Variants in RNF144A observed in about 807,000 individuals in gnomAD.
RNF144A encodes the protein E3 ubiquitin-protein ligase RNF144A.
Under a neutral mutation model 38.7 loss-of-function variants are expected in RNF144A, and 11 were observed. The ratio of observed to expected loss-of-function variants is 0.28; its 90% CI spans 0.18 to 0.47. The LOEUF (loss-of-function observed/expected upper bound fraction) is 0.47, where lower values mean the gene tolerates loss of function less well. Among genes scored for constraint, RNF144A ranks in the 20% least tolerant of loss-of-function variants. RNF144A has a pLI of 0.99. For synonymous variants in RNF144A, 149 were observed against 143.9 expected (o/e 1.04, Z -0.25); for missense variants, 316 against 377.2 (o/e 0.84, Z 1.34).
At chr2:7,072,518 C>A (rs1674519899), downstream of RNF144A, among the ~76,000 whole-genome samples, 1 of 152,214 alleles carries the variant, frequency 6.6e-6, no homozygotes, top group Non-Finnish European at 1.5e-5. Flanking sequence ...GGATGCACTT[C>A]TATAAAAGGC....
Position 6,962,135 on chromosome 2 carries a change from T to G in RNF144A, c.-12+20988T>G, listed in dbSNP as rs1667385875. 6.6e-6 allele frequency among the ~76,000 whole-genome samples: 1 copy of G among 152,112 alleles called. No homozygotes were observed. Among genetic ancestry groups the G allele is most frequent in the South Asian group, 2.1e-4 (1 of 4,834 alleles). On this transcript the variant is annotated intron_variant, in intron 2 of 8. Coordinates refer to ENST00000320892, the MANE Select transcript of RNF144A (RefSeq NM_014746.6). This position sits in a 1 kb window ranked among gnomAD's most constrained non-coding sequence, Gnocchi z 4.1. ...GCAGGGGGTTTTATAGATAAGCTGG[T>G]GGGGAATGATACCTGGTCTACATAG...
rs78679356 is a variant in RNF144A at position 7,051,434 on chromosome 2, G to C, written c.735-16782G>C. ...GTTAAGGTTGGTGCTGACACAATAA[G>C]ATATGGGATTTGCCTACGCCACGGT... On this transcript the variant is annotated intron_variant, in intron 6 of 6. Transcript: ENST00000432850. 7.6e-3 allele frequency among the ~76,000 whole-genome samples: 1,164 copies of C among 152,298 alleles called. 25 individuals carry two copies. Among genetic ancestry groups the C allele is most frequent in the East Asian group, 0.071 (366 of 5,178 alleles).
chr2:6,959,020 A>G (rs3772012), intron 2 of RNF144A, among the ~76,000 whole-genome samples: 15,471 of 152,114 alleles, frequency 0.1, 889 homozygotes, highest in African/African-American at 0.14. Flanking sequence ...TCACTCTCTT[A>G]CTGCCCTCAG....
At chr2:7,015,732 C>T (rs1255773453) in intron 5 of RNF144A, among the ~76,000 whole-genome samples, 3 of 152,078 alleles carry the variant, frequency 2.0e-5, no homozygotes, top group African/African-American at 7.2e-5. Context: ...TGTGTGCAGG[C>T]GACACTCCAT....
intron 8 of RNF144A, among the ~76,000 whole-genome samples, chr2:7,030,935 T>C (rs1396373029): frequency 1.3e-5 from 2 of 152,078 alleles, no homozygotes; most frequent in Non-Finnish European, 1.5e-5. Context: ...ATAAGGAGGC[T>C]GCAACCCAGA....
In RNF144A at chr2:7,010,656, A is replaced by G. The variant is rs543025390; in HGVS notation, c.136-3798A>G. ...TCAGGTTTCAAAGAGTTGGAAACCA[A>G]AGTGGAAAATGAAATTCCTGGAACA... On this transcript the variant is annotated intron_variant, in intron 3 of 8. Coordinates refer to ENST00000320892, the MANE Select transcript of RNF144A (RefSeq NM_014746.6). Among the ~76,000 whole-genome samples, 4 of 152,330 alleles carry G rather than the reference A, an allele frequency of 2.6e-5. No individual in the cohort carries two copies. The South Asian group carries it at 8.3e-4, about 32-fold the overall frequency.
At chr2:6,963,688 T>C (rs1281362138) in intron 2 of RNF144A, among the ~76,000 whole-genome samples, 2 of 152,178 alleles carry the variant, frequency 1.3e-5, no homozygotes, top group Non-Finnish European at 2.9e-5. Flanking sequence ...CACTTTCTTC[T>C]CTCCTCTGTC....
At chr2:6,926,488 G>A (rs1452392630) in intron 1 of RNF144A, among the ~76,000 whole-genome samples, 3 of 152,214 alleles carry the variant, frequency 2.0e-5, no homozygotes, top group Non-Finnish European at 4.4e-5. Context: ...TGCTCTTCCT[G>A]GCAAAGCAGG....
intron 2 of RNF144A, among the ~76,000 whole-genome samples, chr2:6,983,352 G>A (rs1284147471): frequency 6.6e-6 from 1 of 152,170 alleles, no homozygotes; most frequent in Admixed American, 6.5e-5. Context: ...ATCCCTGGGG[G>A]ACTGTGGATC....
chr2:6,947,979 C>T (rs1028608324), intron 2 of RNF144A, among the ~76,000 whole-genome samples: 6 of 152,218 alleles, frequency 3.9e-5, no homozygotes, highest in Non-Finnish European at 7.3e-5. Context: ...ATGTTAGCTA[C>T]GGGCTAAGAA....
At chr2:6,966,388 T>C (rs1279815818) in intron 2 of RNF144A, among the ~76,000 whole-genome samples, 1 of 152,184 alleles carries the variant, frequency 6.6e-6, no homozygotes, top group Non-Finnish European at 1.5e-5. Context: ...TCTCCAAATG[T>C]TGGATGTTTT....
At chr2:6,927,081 T>C (rs149021375) in intron 1 of RNF144A, among the ~76,000 whole-genome samples, 222 of 152,342 alleles carry the variant, frequency 1.5e-3, no homozygotes, top group African/African-American at 5.1e-3. Flanking sequence ...GCCCTGTTGG[T>C]CCCGTGAGAT....
At chr2:6,929,914 G>C (rs958858129) in intron 1 of RNF144A, among the ~76,000 whole-genome samples, 7 of 152,170 alleles carry the variant, frequency 4.6e-5, no homozygotes, top group African/African-American at 1.7e-4. Context: ...TGATGAAGTG[G>C]GTCCTGCTGC....
the RNF144A span, chr2:7,074,603 GA>G: frequency 6.6e-6 from 1 of 152,154 alleles, no homozygotes; most frequent in Non-Finnish European, 1.5e-5. Flanking sequence ...ATTGTATAAA[GA>G]ATTAAGTTAG....
chr2:7,073,719 C>T, the RNF144A span, among the ~76,000 whole-genome samples: 2 of 152,192 alleles, frequency 1.3e-5, no homozygotes, highest in African/African-American at 4.8e-5. Context: ...AAGCACATCC[C>T]ATGTGTGAAC....
rs756369223 is a variant in RNF144A, at chr2:7,014,721, A to G, written c.250A>G (p.Met84Val). The G allele has an allele frequency of 7.4e-6, 12 of 1,612,906 alleles. No homozygotes were observed. The South Asian group carries it at 8.8e-5, about 12-fold the overall frequency. ...TTTTTTTTTCCCTTAGATTGAGTGC[A>G]TGGTTGCAGCTGAAATTATGCAAAG... Reference protein sequence around the residue: ...GHLQENEIECMVAAEIMQRYK... With the variant: ...GHLQENEIECVVAAEIMQRYK... Residue 84 changes from methionine to valine, a missense_variant, in exon 5 of 9, where the codon ATG becomes GTG. By Grantham distance (21) the Met-to-Val change is conservative. Transcript: ENST00000320892.
chr2:6,944,059 C>T lies in RNF144A; in HGVS notation c.-12+2912C>T, dbSNP rs1391217297. On this transcript the variant is annotated intron_variant, in intron 2 of 8. Transcript: ENST00000320892. This position sits in a 1 kb window ranked among gnomAD's most constrained non-coding sequence, Gnocchi z 4.7. ...TGAGAGGGACACAGTGAAAGAATGG[C>T]TGGAATTGGTATTGTGTGCCAGGGA... Among the ~76,000 whole-genome samples, 1 of 152,068 alleles carries T rather than the reference C, an allele frequency of 6.6e-6. No individual in the cohort carries two copies. The highest frequency in any genetic ancestry group is 1.5e-5 in the Non-Finnish European group (1 of 68,010).
Position 6,944,056 on chromosome 2 carries a change from T to C in RNF144A, c.-12+2909T>C, listed in dbSNP as rs1449187865. Among the ~76,000 whole-genome samples the C allele has an allele frequency of 6.6e-6, 1 of 152,074 alleles. No homozygotes were observed. The highest frequency in any genetic ancestry group is 2.4e-5 in the African/African-American group (1 of 41,406). ...AGCTGAGAGGGACACAGTGAAAGAA[T>C]GGCTGGAATTGGTATTGTGTGCCAG... On this transcript the variant is annotated intron_variant, in intron 2 of 8. Transcript: ENST00000320892. This position sits in a 1 kb window ranked among gnomAD's most constrained non-coding sequence, Gnocchi z 4.7.
intron 5 of RNF144A, among the ~76,000 whole-genome samples, chr2:7,017,728 C>T (rs2103424457): frequency 6.6e-6 from 1 of 152,308 alleles, no homozygotes; most frequent in Non-Finnish European, 1.5e-5. Flanking sequence ...AAATATGTCT[C>T]ATACACACAC....
Sources: allele counts gnomAD v4.1 joint callset (sites outside exome capture counted in the v4.1 genomes callset), GRCh38; gene constraint gnomAD v4.1.1; non-coding constraint Gnocchi (gnomAD v3.1); transcripts MANE v1.5; gene names NCBI Gene and HGNC (gene_info 2026-07-23, HGNC 2026-07-21).